The following DNAJA3 variants were observed in gnomAD, a reference collection of about 807,000 sequenced individuals.
The protein encoded by DNAJA3 is DnaJ heat shock protein family (Hsp40) member A3.
A neutral mutation model predicts 54.9 loss-of-function variants in DNAJA3; 29 were observed. The ratio of observed to expected loss-of-function variants is 0.53; its 90% CI spans 0.39 to 0.72. The LOEUF (loss-of-function observed/expected upper bound fraction) is 0.72, where lower values mean the gene tolerates loss of function less well. Among genes scored for constraint, DNAJA3 ranks in the 30% least tolerant of loss-of-function variants. The pLI, the probability that DNAJA3 is intolerant of heterozygous loss-of-function variation, is 0.00. For missense variants in DNAJA3, 708 were observed against 639.4 expected, an observed-to-expected ratio of 1.11 and a Z score of -1.16; for synonymous variants, 302 against 251.4, an observed-to-expected ratio of 1.20 and a Z score of -1.90.
At chr16:4,443,562 C>T (rs2056864574) in intron 6 of DNAJA3, among the ~76,000 whole-genome samples, 1 of 152,164 alleles carries the variant, frequency 6.6e-6, no homozygotes, top group South Asian at 2.1e-4. Flanking sequence ...ACCCCTCACT[C>T]CATGTCTACT....
rs759776888 is a variant in DNAJA3, at chr16:4,444,702, A to C, written c.970A>C (p.Lys324Gln). The change falls in exon 7 of 12, where the codon AAA becomes CAA. Residue 324 changes from lysine to glutamine, a missense_variant. Coordinates refer to ENST00000262375, the MANE Select transcript of DNAJA3 (RefSeq NM_005147.6). The part of the protein sequence containing the change: ...DGQTVRMPVG[K>Q]REIFITFRVQ... ...CCAGACCGTGAGGATGCCTGTGGGA[A>C]AAAGGGAAATTTTCATTACGTTCAG... 1.2e-6 allele frequency: 2 copies of C among 1,614,026 alleles called. No homozygotes were observed. The highest frequency in any genetic ancestry group is 4.5e-5 in the East Asian group (2 of 44,892).
In DNAJA3 at chr16:4,437,679, C is replaced by G. The variant is rs2056788019; in HGVS notation, c.429+194C>G. On this transcript the variant is annotated intron_variant, in intron 3 of 11. Transcript: ENST00000262375. ...AAGCATGGTGGCTCACTCCTGTAGT[C>G]CTAGCACTTTGGGAAGCTGAGGCAG... The G allele has an allele frequency of 1.2e-5, 6 of 511,396 alleles. No homozygotes were observed. The Admixed American group carries it at 1.4e-4, about 12-fold the overall frequency. The allele number at this position is 511,396 out of a possible 1,614,324, so 31.7% of individuals were successfully genotyped here.
Position 4,437,405 on chromosome 16 carries a change from G to T in DNAJA3, c.349G>T (p.Ala117Ser). The change falls in exon 3 of 12, where the codon GCC (alanine) becomes TCC (serine). Residue 117 changes from alanine to serine, a missense_variant. Ala to Ser is a moderately conservative substitution (Grantham distance 99, BLOSUM62 1). Transcript: ENST00000262375. ...ATTTATCATGTTTTTCCCTTAGCTT[G>T]CCAAGAAGTATCACCCTGACACAAA... ...KEIKKAYYQL[A>S]KKYHPDTNKD... 1 of 1,613,906 alleles carries T rather than the reference G, an allele frequency of 6.2e-7. No individual in the cohort carries two copies. The highest frequency in any genetic ancestry group is 1.3e-5 in the African/African-American group (1 of 75,002).
Position 4,441,422 on chromosome 16 carries a change from T to G in DNAJA3, c.477T>G (p.Ser159=). Residue 159 remains serine, a synonymous_variant, in exon 4 of 12, where the codon TCT becomes TCG. Coordinates refer to ENST00000262375, the MANE Select transcript of DNAJA3 (RefSeq NM_005147.6). The part of the protein sequence containing the change: ...VKRKQYDAYG[S]AGFDPGASGS... The stretch of plus-strand genomic sequence containing the variant: ...GGAAGCAGTACGATGCCTACGGCTC[T>G]GCAGGCTTCGATCCTGGGGCCAGCG... 1 of 1,614,196 alleles carries G rather than the reference T, an allele frequency of 6.2e-7. No homozygotes were observed.
chr16:4,455,568 G>A lies in DNAJA3; in HGVS notation c.*36G>A. The A allele has an allele frequency of 6.4e-7, 1 of 1,551,802 alleles. No homozygotes were observed. The highest frequency in any genetic ancestry group is 8.7e-7 in the Non-Finnish European group (1 of 1,147,000). ...CAGGAAAAAGATCCACTGGAAACTA[G>A]GCCGGGAAGCAGCAGCCCCTCCAAG... is the stretch of plus-strand genomic sequence containing the variant. On this transcript the variant is annotated 3_prime_UTR_variant, in exon 12 of 12. Coordinates refer to ENST00000262375, the MANE Select transcript of DNAJA3 (RefSeq NM_005147.6).
chr16:4,439,618 T>G (rs547493127), intron 3 of DNAJA3, among the ~76,000 whole-genome samples: 1 of 152,332 alleles, frequency 6.6e-6, no homozygotes, highest in Non-Finnish European at 1.5e-5. Context: ...GGCATGAGTT[T>G]TGGAGAGTCC....
In DNAJA3 at chr16:4,425,962, C is replaced by T. The variant is rs1277414841; in HGVS notation, c.81C>T (p.Ala27=). 1.3e-6 allele frequency: 2 copies of T among 1,577,258 alleles called. No individual in the cohort carries two copies. Among genetic ancestry groups the T allele is most frequent in the Admixed American group, 1.8e-5 (1 of 54,558 alleles). The change falls in exon 1 of 12, where the codon GCC becomes GCT. Residue 27 remains alanine (A), a synonymous_variant. Transcript: ENST00000262375. ...PRLPAISGRG[A]RPPREGVVGA... ...TGCCGGCTATATCGGGTAGAGGGGC[C>T]CGGCCGCCCAGGGAGGGCGTGGTGG...
At chr16:4,445,892 T>C (rs1293045826) in intron 7 of DNAJA3, among the ~76,000 whole-genome samples, 3 of 151,972 alleles carry the variant, frequency 2.0e-5, no homozygotes, top group Admixed American at 6.6e-5. Flanking sequence ...GGGTATGACA[T>C]GCTTGTTATA....
rs771961935 is a variant in DNAJA3 at position 4,441,495 on chromosome 16, G to A, written c.550G>A (p.Glu184Lys). 1 of 1,614,196 alleles carries A rather than the reference G, an allele frequency of 6.2e-7. No individual in the cohort carries two copies. The highest frequency in any genetic ancestry group is 8.5e-7 in the Non-Finnish European group (1 of 1,180,036). Residue 184 changes from glutamate (E) to lysine (K), a missense_variant, in exon 4 of 12, where the codon GAG (glutamate) becomes AAG (lysine). Glu to Lys is a moderately conservative substitution (Grantham distance 56, BLOSUM62 1). Coordinates refer to ENST00000262375, the MANE Select transcript of DNAJA3 (RefSeq NM_005147.6). The part of the protein sequence containing the change: ...WKGGPTVDPE[E>K]LFRKIFGEFS... ...GGGAGGCCCCACTGTGGACCCCGAGGAGCTGTTCAGGAAGATCTTTGGCGA... is the reference window on the plus strand; with the variant it reads ...GGGAGGCCCCACTGTGGACCCCGAGAAGCTGTTCAGGAAGATCTTTGGCGA...
At chr16:4,431,348 G>T (rs1395146864) in intron 1 of DNAJA3, among the ~76,000 whole-genome samples, 1 of 152,222 alleles carries the variant, frequency 6.6e-6, no homozygotes, top group Non-Finnish European at 1.5e-5. Flanking sequence ...ACACAAAGTG[G>T]TCTCCTGACC....
chr16:4,441,648 T>C (rs1408891229), intron 4 of DNAJA3, 73 bp downstream of exon 4: 1 of 1,502,982 alleles, frequency 6.7e-7, no homozygotes, highest in African/African-American at 1.4e-5. Flanking sequence ...TTTATCAGTT[T>C]CTGTTTCTCA....
At chr16:4,434,084 A>C in intron 1 of DNAJA3, 1 of 325,382 alleles carries the variant, frequency 3.1e-6, no homozygotes, top group South Asian at 3.8e-5. Context: ...ACATGGCAGC[A>C]GGAAGAATGA....
At chr16:4,426,243 G>A in intron 1 of DNAJA3, 151 bp downstream of exon 1, 1 of 969,760 alleles carries the variant, frequency 1.0e-6, no homozygotes. Context: ...GGCAGGAGGC[G>A]GGGAGGCCCC....
intron 2 of DNAJA3, among the ~76,000 whole-genome samples, chr16:4,437,137 A>G (rs1415858640): frequency 1.3e-5 from 2 of 151,822 alleles, no homozygotes; most frequent in South Asian, 4.2e-4. Flanking sequence ...CGCCTGACTA[A>G]TTTTTTCTAT....
At chr16:4,446,858 C>T in intron 7 of DNAJA3, 28 bp from the exon 8 acceptor site, 1 of 1,612,420 alleles carries the variant, frequency 6.2e-7, no homozygotes. Context: ...GACTTATCTT[C>T]ACATGCATCT....
chr16:4,453,998 A>G (rs1278090394), intron 10 of DNAJA3, among the ~76,000 whole-genome samples: 1 of 152,226 alleles, frequency 6.6e-6, no homozygotes, highest in Non-Finnish European at 1.5e-5. Context: ...GCAAATCTGT[A>G]ACACGTTTGT....
At chr16:4,450,665 C>T (rs939555674) in intron 10 of DNAJA3, among the ~76,000 whole-genome samples, 168 bp downstream of exon 10, 3 of 152,172 alleles carry the variant, frequency 2.0e-5, no homozygotes, top group Non-Finnish European at 2.9e-5. Flanking sequence ...GGCAGGGAGC[C>T]GCAGCCCCCA....
intron 3 of DNAJA3, chr16:4,441,043 CT>C (rs1339534549): frequency 2.0e-5 from 8 of 395,246 alleles, no homozygotes; most frequent in Middle Eastern, 6.8e-4. Context: ...GTAATGTCCC[CT>C]GAGGAGAGAG....
chr16:4,436,634 C>T (rs980195769), intron 2 of DNAJA3, among the ~76,000 whole-genome samples: 1 of 152,050 alleles, frequency 6.6e-6, no homozygotes, highest in Non-Finnish European at 1.5e-5. Context: ...CTCCTGGGCT[C>T]AAGCAATTCT....
Sources: gnomAD v4.1 joint callset for allele counts (sites outside exome capture counted in the v4.1 genomes callset) on GRCh38, gnomAD v4.1.1 for gene constraint, MANE v1.5 for transcripts, NCBI Gene and HGNC (gene_info 2026-07-23, HGNC 2026-07-21) for gene names.